HSD17B3: variants seen among roughly 807,000 people sequenced by gnomAD.
HSD17B3 encodes the protein 17-beta-hydroxysteroid dehydrogenase type 3.
In HSD17B3, 29 loss-of-function variants were observed where a neutral mutation model predicts 41.1. That is an observed-to-expected ratio of 0.71 (90% CI 0.53 to 0.96). The LOEUF (loss-of-function observed/expected upper bound fraction) is 0.96, where lower values mean the gene tolerates loss of function less well. HSD17B3 is among the 40% of genes least tolerant of loss of function. HSD17B3 has a pLI of 0.00. For synonymous variants in HSD17B3, 126 were observed against 145.6 expected, an observed-to-expected ratio of 0.87 and a Z score of 0.97; for missense variants, 323 against 374.6, an observed-to-expected ratio of 0.86 and a Z score of 1.14.
At chr9:96,276,908 T>C (rs1587765023) in intron 2 of HSD17B3, among the ~76,000 whole-genome samples, 1 of 152,092 alleles carries the variant, frequency 6.6e-6, no homozygotes, top group South Asian at 2.1e-4. Flanking sequence ...ACAATTGAAA[T>C]TGCATCAAAC....
chr9:96,275,635 A>T (rs1434904207), intron 2 of HSD17B3, among the ~76,000 whole-genome samples: 1 of 152,136 alleles, frequency 6.6e-6, no homozygotes, highest in Non-Finnish European at 1.5e-5. Flanking sequence ...AGAGGGGAGA[A>T]CAAAAGTGTG....
chr9:96,240,621 C>T (rs1317801453), intron 10 of HSD17B3, 137 bp downstream of exon 10: 4 of 914,092 alleles, frequency 4.4e-6, no homozygotes, highest in Non-Finnish European at 5.3e-6. Flanking sequence ...CTCCACCTCG[C>T]CACATAGTCC....
intron 2 of HSD17B3, among the ~76,000 whole-genome samples, chr9:96,278,860 C>T (rs935355525): frequency 1.3e-5 from 2 of 152,200 alleles, no homozygotes; most frequent in East Asian, 3.8e-4. Flanking sequence ...CTGAACTCTA[C>T]CACACCTAAA....
intron 5 of HSD17B3, chr9:96,250,030 C>G: frequency 2.8e-6 from 4 of 1,429,036 alleles, no homozygotes; most frequent in Non-Finnish European, 9.1e-7. Flanking sequence ...TAAGAGTTTC[C>G]TGGAAAACTC....
intron 2 of HSD17B3, among the ~76,000 whole-genome samples, chr9:96,283,560 A>G (rs1358842850): frequency 1.3e-5 from 2 of 152,144 alleles, no homozygotes; most frequent in Admixed American, 6.5e-5. Flanking sequence ...CTGTGTTCCA[A>G]AATAATGGGA....
intron 2 of HSD17B3, among the ~76,000 whole-genome samples, chr9:96,282,446 A>G (rs886088914): frequency 6.6e-6 from 1 of 152,234 alleles, no homozygotes; most frequent in African/African-American, 2.4e-5. Flanking sequence ...AATAGGTCAA[A>G]TATTAAGTTT....
chr9:96,298,366 T>A, intron 2 of HSD17B3, 50 bp downstream of exon 2: 1 of 1,442,144 alleles, frequency 6.9e-7, no homozygotes. Flanking sequence ...GTCTCAGGAC[T>A]GTGATTGTTC....
At chr9:96,245,272 G>T in intron 8 of HSD17B3, 73 bp downstream of exon 8, 1 of 1,167,076 alleles carries the variant, frequency 8.6e-7, no homozygotes, top group Non-Finnish European at 1.3e-6. Flanking sequence ...CTTGCCAGAT[G>T]ATCAAAGGAA....
intron 2 of HSD17B3, among the ~76,000 whole-genome samples, chr9:96,271,052 G>A (rs11789467): frequency 0.2 from 30,158 of 151,812 alleles, 3,603 homozygotes; most frequent in East Asian, 0.56. Flanking sequence ...CAGTCTTACC[G>A]ATAAGGATGT....
intron 5 of HSD17B3, chr9:96,250,286 G>A (rs1242572731): frequency 1.8e-6 from 2 of 1,086,414 alleles, no homozygotes; most frequent in Non-Finnish European, 2.2e-6. Context: ...CACACAGGCA[G>A]AGGAGCAACC....
At chr9:96,294,101 G>A (rs1208063349) in intron 2 of HSD17B3, among the ~76,000 whole-genome samples, 1 of 152,136 alleles carries the variant, frequency 6.6e-6, no homozygotes, top group Non-Finnish European at 1.5e-5. Context: ...CCAGAAAATT[G>A]TTTAACACAG....
At chr9:96,248,630 G>GT (rs1318240982) in intron 6 of HSD17B3, among the ~76,000 whole-genome samples, 2 of 152,194 alleles carry the variant, frequency 1.3e-5, no homozygotes, top group African/African-American at 2.4e-5. Context: ...GGTTAGTGCA[G>GT]GTGGGAAGCT....
chr9:96,251,211 C>G lies in HSD17B3; in HGVS notation c.453+207G>C, dbSNP rs1283647422. 3 of 598,168 alleles carry G rather than the reference C, an allele frequency of 5.0e-6. No individual in the cohort carries two copies. In the African/African-American group the frequency reaches 5.6e-5, roughly 11 times the overall value. The allele number at this position is 598,168 out of a possible 1,614,324, so 37.1% of individuals were successfully genotyped here. On this transcript the variant is annotated intron_variant, in intron 5 of 10. Transcript: ENST00000375263. ...ATGTGCAGAGAAGGAGGAAGATGTC[C>G]ATATCCTAGAGATATCGTGAAAAGT...
At chr9:96,246,352 C>T (rs1407991608) in intron 7 of HSD17B3, 3 of 642,962 alleles carry the variant, frequency 4.7e-6, no homozygotes, top group African/African-American at 3.6e-5. Context: ...TACGTTTGAC[C>T]TTCACATGAG....
chr9:96,235,959 C>A (rs1836222295), intron 10 of HSD17B3, among the ~76,000 whole-genome samples: 1 of 151,892 alleles, frequency 6.6e-6, no homozygotes, highest in African/African-American at 2.4e-5. Context: ...GAGTGTGTCA[C>A]CATGCCTGGC....
chr9:96,294,536 G>A (rs1297012050), intron 2 of HSD17B3, among the ~76,000 whole-genome samples: 2 of 152,212 alleles, frequency 1.3e-5, no homozygotes, highest in Admixed American at 6.5e-5. Flanking sequence ...TGAGTCTTGC[G>A]ATAGCAAGGG....
At chr9:96,238,546 C>T (rs1246124200) in intron 10 of HSD17B3, among the ~76,000 whole-genome samples, 1 of 152,158 alleles carries the variant, frequency 6.6e-6, no homozygotes, top group East Asian at 1.9e-4. Flanking sequence ...CCTGTAATCC[C>T]AGCTACTCAG....
chr9:96,258,563 T>C (rs1162446136), intron 2 of HSD17B3, among the ~76,000 whole-genome samples: 1 of 152,228 alleles, frequency 6.6e-6, no homozygotes, highest in Non-Finnish European at 1.5e-5. Context: ...GGCCTCATTA[T>C]CTTAGCTGAC....
intron 3 of HSD17B3, 31 bp downstream of exon 3, chr9:96,254,837 A>C (rs560582495): frequency 6.3e-7 from 1 of 1,593,350 alleles, no homozygotes. Context: ...AGGGCTCCAC[A>C]CACATCTCCC....
Sources: gnomAD v4.1 joint callset for allele counts (sites outside exome capture counted in the v4.1 genomes callset) on GRCh38, gnomAD v4.1.1 for gene constraint, MANE v1.5 for transcripts, NCBI Gene and HGNC (gene_info 2026-07-23, HGNC 2026-07-21) for gene names.